RGS6: variants seen among roughly 807,000 people sequenced by gnomAD.
RGS6 encodes the protein regulator of G-protein signaling 6.
In RGS6, 30 loss-of-function variants were observed where a neutral mutation model predicts 78.5. The observed-to-expected ratio is 0.38, with a 90% CI of 0.29 to 0.52. The LOEUF is 0.52. Ranked by LOEUF, RGS6 falls within the 20% of genes least tolerant of loss-of-function variation. The pLI, the probability that RGS6 is intolerant of heterozygous loss-of-function variation, is 0.85. For synonymous variants in RGS6, 206 were observed against 206.0 expected, an observed-to-expected ratio of 1.00 and a Z score of 0.00; for missense variants, 495 against 609.7, an observed-to-expected ratio of 0.81 and a Z score of 1.98.
At chr14:72,009,057 C>T (rs1336786022) in intron 2 of RGS6, among the ~76,000 whole-genome samples, 3 of 152,152 alleles carry the variant, frequency 2.0e-5, no homozygotes, top group African/African-American at 4.8e-5. Flanking sequence ...ATGAGCAACC[C>T]TCAGTAAAAA....
intron 2 of RGS6, among the ~76,000 whole-genome samples, chr14:72,300,669 A>C (rs183176052): frequency 1.1e-3 from 165 of 152,330 alleles, no homozygotes; most frequent in African/African-American, 3.8e-3. Flanking sequence ...GGTGGCATAG[A>C]CATATGATTC....
intron 2 of RGS6, among the ~76,000 whole-genome samples, chr14:72,015,666 A>G (rs28718774): frequency 0.09 from 13,729 of 152,264 alleles, 1,436 homozygotes; most frequent in African/African-American, 0.24. Context: ...CTTAGTGGAC[A>G]TTACCAAATT....
intron 1 of RGS6, among the ~76,000 whole-genome samples, chr14:71,936,033 T>C (rs1566863592): frequency 1.1e-4 from 16 of 139,790 alleles, no homozygotes; most frequent in Non-Finnish European, 1.5e-4. Flanking sequence ...TATATATATA[T>C]ATATATATGT....
chr14:71,951,301 C>T (rs903412539), intron 1 of RGS6, among the ~76,000 whole-genome samples: 13 of 152,086 alleles, frequency 8.5e-5, no homozygotes, highest in African/African-American at 3.1e-4. Context: ...CAAACAAACG[C>T]AGGAGCAGAA....
chr14:71,954,733 A>G (rs1480811742), intron 1 of RGS6, among the ~76,000 whole-genome samples: 4 of 152,148 alleles, frequency 2.6e-5, no homozygotes, highest in Non-Finnish European at 4.4e-5. Flanking sequence ...CATTTGTTAC[A>G]GTGTTTTTGA....
chr14:71,892,971 G>A, the RGS6 span, among the ~76,000 whole-genome samples: 3 of 152,252 alleles, frequency 2.0e-5, no homozygotes, highest in Admixed American at 6.5e-5. Context: ...GGACGGCAGC[G>A]ATCTGCCTAA....
chr14:72,203,094 C>A (rs532720311), intron 2 of RGS6, among the ~76,000 whole-genome samples: 1 of 152,068 alleles, frequency 6.6e-6, no homozygotes, highest in Non-Finnish European at 1.5e-5. Flanking sequence ...CCAGGATGGT[C>A]TCGATCTCCT....
At chr14:72,124,207 G>A (rs1354554931) in intron 2 of RGS6, among the ~76,000 whole-genome samples, 1 of 152,100 alleles carries the variant, frequency 6.6e-6, no homozygotes, top group Admixed American at 6.6e-5. Flanking sequence ...GCTTTATTAT[G>A]TTGTTTATTT....
Position 72,461,322 on chromosome 14 carries a change from C to T in RGS6, c.394+1639C>T, listed in dbSNP as rs368540771. On this transcript the variant is annotated intron_variant, in intron 6 of 17. Transcript: ENST00000553525. Reference sequence around the variant, plus strand: ...CAAGTAAGATTAAAATATTTACTTCCGTAAAGCTTAGGGCATCTTATGCTG... The same window carrying T: ...CAAGTAAGATTAAAATATTTACTTCTGTAAAGCTTAGGGCATCTTATGCTG... Among the ~76,000 whole-genome samples, 3 of 152,268 alleles carry T rather than the reference C, an allele frequency of 2.0e-5. No homozygotes were observed. The South Asian group carries it at 6.2e-4, about 32-fold the overall frequency.
At chr14:71,920,247 C>T in the RGS6 span, among the ~76,000 whole-genome samples, 1 of 152,202 alleles carries the variant, frequency 6.6e-6, no homozygotes, top group Non-Finnish European at 1.5e-5. Context: ...GTGGTTATCA[C>T]ACCCAAGGCA....
chr14:72,010,919 GC>G (rs894619369), intron 2 of RGS6, among the ~76,000 whole-genome samples: 3 of 152,162 alleles, frequency 2.0e-5, no homozygotes, highest in African/African-American at 4.8e-5. Flanking sequence ...CTGTGTTTCT[GC>G]TTTCTCTAGC....
rs1260675915 is a variant in RGS6, at chr14:72,540,392, C to A, written c.1422+298C>A. On this transcript the variant is annotated intron_variant, in intron 17 of 17. Coordinates refer to ENST00000553525, the MANE Select transcript of RGS6 (RefSeq NM_001204424.2). ...GCTTTGAGGAGGAGGGACCCTGCTG[C>A]CCTCGGGGCTGTGCGGTTTGTGCAT... is the stretch of plus-strand genomic sequence containing the variant. 2.7e-6 allele frequency: 4 copies of A among 1,457,560 alleles called. No individual in the cohort carries two copies. In the African/African-American group the frequency reaches 5.7e-5, roughly 21 times the overall value. 90.3% of individuals were successfully genotyped at this position (1,457,560 alleles called of 1,614,324 possible).
At chr14:71,936,545 T>A (rs936106501) in intron 1 of RGS6, among the ~76,000 whole-genome samples, 1 of 152,146 alleles carries the variant, frequency 6.6e-6, no homozygotes, top group Admixed American at 6.5e-5. Flanking sequence ...CTTGAACCCA[T>A]ACATATCTCC....
At chr14:72,466,059 T>C (rs2095902819) in intron 7 of RGS6, among the ~76,000 whole-genome samples, 1 of 152,124 alleles carries the variant, frequency 6.6e-6, no homozygotes, top group Non-Finnish European at 1.5e-5. Context: ...CAGCTCAACT[T>C]AAAAATAGGC....
At chr14:72,264,802 C>T (rs146180241) in intron 2 of RGS6, among the ~76,000 whole-genome samples, 76 of 152,280 alleles carry the variant, frequency 5.0e-4, no homozygotes, top group African/African-American at 1.7e-3. Flanking sequence ...TTTGCTAATG[C>T]GCCTGCCAAC....
intron 2 of RGS6, among the ~76,000 whole-genome samples, chr14:72,023,631 GAA>G (rs1250309418): frequency 6.6e-6 from 1 of 152,214 alleles, no homozygotes; most frequent in African/African-American, 2.4e-5. Context: ...AATAAAAAGA[GAA>G]ATGTTCAGAG....
chr14:72,394,970 G>T (rs1400562615), intron 3 of RGS6, among the ~76,000 whole-genome samples: 2 of 152,044 alleles, frequency 1.3e-5, no homozygotes, highest in Non-Finnish European at 2.9e-5. Flanking sequence ...CACAATTTAT[G>T]TTCTGCCATG....
intron 7 of RGS6, among the ~76,000 whole-genome samples, chr14:72,466,772 G>A (rs1456189460): frequency 6.6e-6 from 1 of 152,164 alleles, no homozygotes; most frequent in Admixed American, 6.5e-5. Flanking sequence ...TCCTGATCGT[G>A]GTGGTGGTTG....
chr14:72,201,331 T>C (rs1038331435), intron 2 of RGS6, among the ~76,000 whole-genome samples: 3 of 152,224 alleles, frequency 2.0e-5, no homozygotes, highest in African/African-American at 7.2e-5. Context: ...TATATGTCGA[T>C]AGAATCTGCA....
Sources: allele counts gnomAD v4.1 joint callset (sites outside exome capture counted in the v4.1 genomes callset), GRCh38; gene constraint gnomAD v4.1.1; transcripts MANE v1.5; gene names NCBI Gene and HGNC (gene_info 2026-07-23, HGNC 2026-07-21).